Variants in SBF2 observed in about 807,000 individuals in gnomAD.
SBF2 encodes the protein SET binding factor 2.
SBF2 carries 112 observed loss-of-function variants against 225.2 expected under a neutral mutation model. The ratio of observed to expected loss-of-function variants is 0.50; its 90% confidence interval spans 0.43 to 0.58. The LOEUF (loss-of-function observed/expected upper bound fraction) is 0.58, where lower values mean the gene tolerates loss of function less well. Among genes scored for constraint, SBF2 ranks in the 20% least tolerant of loss-of-function variants. The pLI, the probability that SBF2 is intolerant of heterozygous loss-of-function variation, is 0.00. For synonymous variants in SBF2, 763 were observed against 773.3 expected (o/e 0.99, Z 0.22); for missense variants, 1,996 against 2,206.2 (o/e 0.90, Z 1.91).
chr11:9,806,118 A>G (rs192389384), intron 32 of SBF2, among the ~76,000 whole-genome samples: 278 of 152,340 alleles, frequency 1.8e-3, no homozygotes, highest in African/African-American at 6.4e-3. Flanking sequence ...TCTCAGACTA[A>G]GTAGAGGGCA....
At chr11:10,114,498 T>C (rs1953038146) in intron 2 of SBF2, among the ~76,000 whole-genome samples, 2 of 152,236 alleles carry the variant, frequency 1.3e-5, no homozygotes, top group African/African-American at 4.8e-5. Context: ...TGCTGTTTTC[T>C]AGGTGACATC....
In SBF2 at chr11:10,244,837, A is replaced by G. The variant is rs559360491; in HGVS notation, c.55+49178T>C. On this transcript the variant is annotated intron_variant, in intron 1 of 39. Coordinates refer to ENST00000256190, the MANE Select transcript of SBF2 (RefSeq NM_030962.4). ...CTACAACTCAATAGCAAACAATAAC[A>G]TAATTTAAAATGGGCAGGCCAGGGG... Among the ~76,000 whole-genome samples the G allele has an allele frequency of 3.3e-5, 5 of 152,252 alleles. No homozygotes were observed. In the East Asian group the frequency reaches 9.6e-4, roughly 29 times the overall value.
chr11:9,979,732 A>T (rs963780541), intron 13 of SBF2, among the ~76,000 whole-genome samples: 1 of 152,184 alleles, frequency 6.6e-6, no homozygotes, highest in African/African-American at 2.4e-5. Context: ...CTTCTTAGTA[A>T]AGAAGCTAAT....
At chr11:10,273,920 T>C (rs7952105) in intron 1 of SBF2, among the ~76,000 whole-genome samples, 71,482 of 152,104 alleles carry the variant, frequency 0.47, 17,447 homozygotes, top group Non-Finnish European at 0.54. Context: ...CATCATATGA[T>C]GGCAGACCAC....
intron 36 of SBF2, among the ~76,000 whole-genome samples, chr11:9,786,788 T>G (rs1023042803): frequency 6.6e-6 from 1 of 152,232 alleles, no homozygotes; most frequent in African/African-American, 2.4e-5. Flanking sequence ...TGTACTGTAC[T>G]AAGCACAGAC....
chr11:10,195,729 C>G (rs936029417), intron 1 of SBF2, among the ~76,000 whole-genome samples: 5 of 152,128 alleles, frequency 3.3e-5, no homozygotes, highest in African/African-American at 9.7e-5. Flanking sequence ...CAACTCAGAA[C>G]TGTATTCTGA....
chr11:9,890,469 G>A (rs948125284), intron 17 of SBF2, among the ~76,000 whole-genome samples: 5 of 152,162 alleles, frequency 3.3e-5, no homozygotes. Flanking sequence ...GAGAATGAGT[G>A]TCTGAATAAC....
chr11:10,014,422 C>G lies in SBF2; in HGVS notation c.620-11733G>C, dbSNP rs184541422. Among the ~76,000 whole-genome samples the G allele has an allele frequency of 4.2e-5, 6 of 144,230 alleles. No homozygotes were observed. The East Asian group carries it at 1.3e-3, about 31-fold the overall frequency. The allele number at this position is 144,230 out of a possible 152,430, so 94.6% of individuals were successfully genotyped here. A position where few individuals can be genotyped will look rare whatever the true frequency, so the allele number is the denominator to read the frequency against. ...CTTCTTCCACTGAGAATGCTGGAAC[C>G]TAATAACATCAACATACTTATTCAT... On this transcript the variant is annotated intron_variant, in intron 6 of 39. Coordinates refer to ENST00000256190, the MANE Select transcript of SBF2 (RefSeq NM_030962.4).
At chr11:10,043,044 G>A (rs1949714974) in intron 2 of SBF2, 63 bp from the exon 3 acceptor site, 1 of 1,519,098 alleles carries the variant, frequency 6.6e-7, no homozygotes, top group African/African-American at 1.4e-5. Flanking sequence ...ATTAATCTCT[G>A]AGAAATTTTA....
At chr11:10,172,155 T>G (rs1956223699) in intron 2 of SBF2, among the ~76,000 whole-genome samples, 1 of 152,124 alleles carries the variant, frequency 6.6e-6, no homozygotes, top group Non-Finnish European at 1.5e-5. Context: ...TCTTTATTAG[T>G]TTCTTTTCTT....
intron 1 of SBF2, among the ~76,000 whole-genome samples, chr11:10,230,717 G>A (rs1333758058): frequency 2.0e-5 from 3 of 152,120 alleles, no homozygotes; most frequent in Admixed American, 6.6e-5. Context: ...TGGGTAACCC[G>A]ACCTTTCTCT....
intron 2 of SBF2, among the ~76,000 whole-genome samples, chr11:10,053,031 GTATT>G (rs1467834585): frequency 3.3e-5 from 5 of 152,072 alleles, no homozygotes; most frequent in Non-Finnish European, 7.4e-5. Context: ...GTGTGTGTGT[GTATT>G]TATCCAAAGG....
intron 1 of SBF2, among the ~76,000 whole-genome samples, chr11:10,197,885 A>C (rs187879745): frequency 3.7e-4 from 57 of 152,332 alleles, no homozygotes; most frequent in African/African-American, 1.4e-3. Flanking sequence ...TCATCTGTTA[A>C]AGGTTTTATC....
At chr11:9,980,171 G>C (rs1160246747) in intron 13 of SBF2, among the ~76,000 whole-genome samples, 1 of 151,382 alleles carries the variant, frequency 6.6e-6, no homozygotes, top group Non-Finnish European at 1.5e-5. Context: ...AGTAGAGACG[G>C]GATTTCACCA....
chr11:9,860,497 TGAGATGGGGTTTTTGTA>T (rs1177582223), intron 17 of SBF2, among the ~76,000 whole-genome samples: 1 of 151,846 alleles, frequency 6.6e-6, no homozygotes, highest in Admixed American at 6.6e-5. Flanking sequence ...TGCAGTGAGA[TGAGATGGGGTTTTTGTA>T]GAGATGGGGT....
chr11:10,136,779 G>C lies in SBF2; in HGVS notation c.141+57123C>G, dbSNP rs187486702. Among the ~76,000 whole-genome samples, 62 of 152,346 alleles carry C rather than the reference G, an allele frequency of 4.1e-4. 1 individual carries two copies. The highest frequency in any genetic ancestry group is 1.2e-3 in the African/African-American group (51 of 41,588). On this transcript the variant is annotated intron_variant, in intron 2 of 39. Coordinates refer to ENST00000256190, the MANE Select transcript of SBF2 (RefSeq NM_030962.4). ...GAACTGCTTGGTGTGGAACACCCAT[G>C]CATTTGATATAAGAAGTGTTGCGAA... is the stretch of plus-strand genomic sequence containing the variant.
At chr11:9,881,572 C>T (rs1859763599) in intron 17 of SBF2, among the ~76,000 whole-genome samples, 1 of 152,116 alleles carries the variant, frequency 6.6e-6, no homozygotes, top group South Asian at 2.1e-4. Context: ...TCAAATCTCA[C>T]TCCTGGTGGA....
intron 8 of SBF2, 68 bp downstream of exon 8, chr11:10,000,846 A>G: frequency 1.2e-6 from 1 of 822,726 alleles, no homozygotes; most frequent in Non-Finnish European, 2.1e-6. Flanking sequence ...TTGAAATGTT[A>G]TAGGACCCAA....
Position 9,968,565 on chromosome 11 carries a change from T to A in SBF2, c.1396-20A>T. ...ATTCTCCTGTAATATCAGACATAGG[T>A]AAAATTACTCCAAGTTAAAATAACA... On this transcript the variant is annotated intron_variant, in intron 13 of 39. Transcript: ENST00000256190. The A allele has an allele frequency of 6.3e-7, 1 of 1,588,662 alleles. No homozygotes were observed. Among genetic ancestry groups the A allele is most frequent in the Non-Finnish European group, 8.6e-7 (1 of 1,156,808 alleles).
Sources: allele counts gnomAD v4.1 joint callset (sites outside exome capture counted in the v4.1 genomes callset), GRCh38; gene constraint gnomAD v4.1.1; transcripts MANE v1.5; gene names NCBI Gene and HGNC (gene_info 2026-07-23, HGNC 2026-07-21).